CRCT1: variants seen among roughly 807,000 people sequenced by gnomAD.
CRCT1 encodes cysteine-rich C-terminal protein 1.
For synonymous variants in CRCT1, 86 were observed against 60.3 expected (o/e 1.43, Z -1.98); for missense variants, 160 against 136.3 (o/e 1.17, Z -0.87).
At chr1:152,514,662 G>C (rs6686666) in intron 1 of CRCT1, 110 bp downstream of exon 1, 2 of 152,190 alleles carry the variant, frequency 1.3e-5, no homozygotes, top group Non-Finnish European at 2.9e-5. Flanking sequence ...GTCCCGCAAG[G>C]CACCTACGCT....
chr1:152,514,670 G>C (rs1254769310), intron 1 of CRCT1, 118 bp downstream of exon 1: 2 of 152,214 alleles, frequency 1.3e-5, no homozygotes, highest in Non-Finnish European at 2.9e-5. Flanking sequence ...AGGCACCTAC[G>C]CTTCTAGTGA....
At position 152,515,808 on chromosome 1, in the gene CRCT1, T is replaced by C; in HGVS notation, c.*125T>C. ...CCCCGTAAAGCGAATTGCACTTTGA[T>C]GTTCAGAAACCCACTTTGTTCTCAG... On this transcript the variant is annotated 3_prime_UTR_variant, in exon 2 of 2. Transcript: ENST00000368790. 7.2e-7 allele frequency: 1 copy of C among 1,390,308 alleles called. No individual in the cohort carries two copies. 86.1% of individuals were successfully genotyped at this position (1,390,308 alleles called of 1,614,324 possible). A position where few individuals can be genotyped will look rare whatever the true frequency, so the allele number is the denominator to read the frequency against.
Position 152,515,826 on chromosome 1 carries a change from G to A in CRCT1, c.*143G>A. On this transcript the variant is annotated 3_prime_UTR_variant, in exon 2 of 2. Coordinates refer to ENST00000368790, the MANE Select transcript of CRCT1 (RefSeq NM_019060.3). ...ACTTTGATGTTCAGAAACCCACTTT[G>A]TTCTCAGCCACGCAAAACTCCCTGA... The A allele has an allele frequency of 7.4e-7, 1 of 1,343,402 alleles. No homozygotes were observed. The highest frequency in any genetic ancestry group is 9.8e-7 in the Non-Finnish European group (1 of 1,025,346). 83.2% of individuals were successfully genotyped at this position (1,343,402 alleles called of 1,614,324 possible). A position where few individuals can be genotyped will look rare whatever the true frequency, so the allele number is the denominator to read the frequency against.
chr1:152,515,837 C>A lies in CRCT1; in HGVS notation c.*154C>A. ...CAGAAACCCACTTTGTTCTCAGCCACGCAAAACTCCCTGACCCCGATGTGA... is the reference window on the plus strand; with the variant it reads ...CAGAAACCCACTTTGTTCTCAGCCAAGCAAAACTCCCTGACCCCGATGTGA... On this transcript the variant is annotated 3_prime_UTR_variant, in exon 2 of 2. Transcript: ENST00000368790. The A allele has an allele frequency of 8.0e-7, 1 of 1,257,320 alleles. No individual in the cohort carries two copies. Among genetic ancestry groups the A allele is most frequent in the Non-Finnish European group, 1.1e-6 (1 of 948,500 alleles). 77.9% of individuals were successfully genotyped at this position (1,257,320 alleles called of 1,614,324 possible).
At position 152,515,862 on chromosome 1, in the gene CRCT1, A is replaced by AT; in HGVS notation, c.*184dup. 1 of 1,087,768 alleles carries AT rather than the reference A, an allele frequency of 9.2e-7. No homozygotes were observed. Among genetic ancestry groups the AT allele is most frequent in the South Asian group, 2.1e-5 (1 of 47,650 alleles). The allele number at this position is 1,087,768 out of a possible 1,614,324, so 67.4% of individuals were successfully genotyped here. A position where few individuals can be genotyped will look rare whatever the true frequency, so the allele number is the denominator to read the frequency against. On this transcript the variant is annotated 3_prime_UTR_variant, in exon 2 of 2. Coordinates refer to ENST00000368790, the MANE Select transcript of CRCT1 (RefSeq NM_019060.3). ...CGCAAAACTCCCTGACCCCGATGTG[A>AT]TTTTTCTCCCCGGGGATTCGAGAGC... is the stretch of plus-strand genomic sequence containing the variant.
At position 152,515,475 on chromosome 1, in the gene CRCT1, C is replaced by G. The variant is rs747762170; in HGVS notation, c.92C>G (p.Pro31Arg). The G allele has an allele frequency of 2.5e-6, 4 of 1,600,780 alleles. No homozygotes were observed. The highest frequency in any genetic ancestry group is 2.0e-4 in the Middle Eastern group (1 of 4,914). The change falls in exon 2 of 2, where the codon CCG (proline) becomes CGG (arginine). Residue 31 changes from proline (P) to arginine (R), a missense_variant. By Grantham distance (103) the Pro-to-Arg change is moderately radical. Transcript: ENST00000368790. ...CCGTGTCCCGCCCCGGCGCCCACCC[C>G]GGCGCCCGCCTCCTCCTCCTCCTGC... ...PAPCPAPAPT[P>R]APASSSSCCG...
rs776351823 is a variant in CRCT1 at position 152,515,432 on chromosome 1, T to C, written c.49T>C (p.Ser17Pro). ...TTCCGCCAAAGGCTTTTCCAAGGGG[T>C]CGTCCCAGGGCCCCGCTCCGTGTCC... Reference protein sequence around the residue: ...AVSAKGFSKGSSQGPAPCPAP... With the variant: ...AVSAKGFSKGPSQGPAPCPAP... Residue 17 changes from serine (S) to proline (P), a missense_variant, in exon 2 of 2, where the codon TCG becomes CCG. Ser to Pro is a moderately conservative substitution (Grantham distance 74). Transcript: ENST00000368790. 1 of 1,584,186 alleles carries C rather than the reference T, an allele frequency of 6.3e-7. No individual in the cohort carries two copies. The highest frequency in any genetic ancestry group is 2.3e-5 in the East Asian group (1 of 44,274).
Position 152,515,504 on chromosome 1 carries a change from G to T in CRCT1, c.121G>T (p.Gly41Cys). The part of the protein sequence containing the change: ...PAPASSSSCC[G>C]SGRGCCGDSG... ...GCCCGCCTCCTCCTCCTCCTGCTGCGGCTCCGGCAGGGGCTGCTGCGGCGA... is the reference window on the plus strand; with the variant it reads ...GCCCGCCTCCTCCTCCTCCTGCTGCTGCTCCGGCAGGGGCTGCTGCGGCGA... Residue 41 changes from glycine to cysteine, a missense_variant, in exon 2 of 2, where the codon GGC (glycine) becomes TGC (cysteine). Physicochemically the swap from Gly to Cys is radical, Grantham distance 159. Coordinates refer to ENST00000368790, the MANE Select transcript of CRCT1 (RefSeq NM_019060.3). 1 of 1,596,588 alleles carries T rather than the reference G, an allele frequency of 6.3e-7. No homozygotes were observed. The highest frequency in any genetic ancestry group is 8.5e-7 in the Non-Finnish European group (1 of 1,176,994).
chr1:152,515,463 C>G lies in CRCT1; in HGVS notation c.80C>G (p.Pro27Arg), dbSNP rs1253653691. 7.5e-6 allele frequency: 12 copies of G among 1,602,376 alleles called. No homozygotes were observed. Among genetic ancestry groups the G allele is most frequent in the East Asian group, 2.2e-5 (1 of 44,666 alleles). ...SSQGPAPCPA[P>R]APTPAPASSS... ...CAGGGCCCCGCTCCGTGTCCCGCCC[C>G]GGCGCCCACCCCGGCGCCCGCCTCC... is the stretch of plus-strand genomic sequence containing the variant. Residue 27 changes from proline (P) to arginine (R), a missense_variant, in exon 2 of 2, where the codon CCG (proline) becomes CGG (arginine). Physicochemically the swap from Pro to Arg is moderately radical, Grantham distance 103. Transcript: ENST00000368790.
chr1:152,515,712 G>C lies in CRCT1; in HGVS notation c.*29G>C. 2 of 1,458,714 alleles carry C rather than the reference G, an allele frequency of 1.4e-6. No individual in the cohort carries two copies. The highest frequency in any genetic ancestry group is 1.8e-6 in the Non-Finnish European group (2 of 1,103,762). The allele number at this position is 1,458,714 out of a possible 1,614,324, so 90.4% of individuals were successfully genotyped here. A position where few individuals can be genotyped will look rare whatever the true frequency, so the allele number is the denominator to read the frequency against. On this transcript the variant is annotated 3_prime_UTR_variant, in exon 2 of 2. Transcript: ENST00000368790. ...GCCCGCAACCCCCAGCGCTGCGCTA[G>C]AGAAACCCGCCCAGCCCAGAGCGGG...
rs761444011 is a variant in CRCT1 at position 152,515,605 on chromosome 1, TTGC to T, written c.232_234del (p.Cys78del). 6 of 1,589,668 alleles carry T rather than the reference TTGC, an allele frequency of 3.8e-6. No individual in the cohort carries two copies. The highest frequency in any genetic ancestry group is 3.4e-6 in the Non-Finnish European group (4 of 1,172,512). On this transcript the variant is annotated inframe_deletion, in exon 2 of 2. Coordinates refer to ENST00000368790, the MANE Select transcript of CRCT1 (RefSeq NM_019060.3). ...GACGCCGCCGACAGCGGAGTAGTGGTTGCTGCTGCTGCGGGGGCGGCAGCCAGA... is the reference window on the plus strand; with the variant it reads ...GACGCCGCCGACAGCGGAGTAGTGGTTGCTGCTGCGGGGGCGGCAGCCAGA...
At position 152,515,509 on chromosome 1, in the gene CRCT1, C is replaced by T. The variant is rs775725001; in HGVS notation, c.126C>T (p.Ser42=). The T allele has an allele frequency of 2.7e-5, 43 of 1,598,430 alleles. No homozygotes were observed. The highest frequency in any genetic ancestry group is 3.3e-5 in the Non-Finnish European group (39 of 1,177,130). The change falls in exon 2 of 2, where the codon TCC becomes TCT. Residue 42 remains serine, a synonymous_variant. Transcript: ENST00000368790. The part of the protein sequence containing the change: ...APASSSSCCG[S]GRGCCGDSGC... ...CCTCCTCCTCCTCCTGCTGCGGCTCCGGCAGGGGCTGCTGCGGCGACTCAG... is the reference window on the plus strand; with the variant it reads ...CCTCCTCCTCCTCCTGCTGCGGCTCTGGCAGGGGCTGCTGCGGCGACTCAG...
intron 1 of CRCT1, 57 bp from the exon 2 acceptor site, chr1:152,515,305 G>A: frequency 7.2e-7 from 1 of 1,396,240 alleles, no homozygotes. Flanking sequence ...CCCAGACAGA[G>A]TTCCATTGGT....
At chr1:152,514,618 C>G (rs1395404278) in intron 1 of CRCT1, 66 bp downstream of exon 1, 1 of 152,242 alleles carries the variant, frequency 6.6e-6, no homozygotes, top group African/African-American at 2.4e-5. Flanking sequence ...GAGGAGCAAA[C>G]AGAACACAGG....
rs758059311 is a variant in CRCT1, at chr1:152,515,533, A to C, written c.150A>C (p.Ser50=). 2 of 1,595,636 alleles carry C rather than the reference A, an allele frequency of 1.3e-6. No individual in the cohort carries two copies. The highest frequency in any genetic ancestry group is 8.5e-7 in the Non-Finnish European group (1 of 1,176,552). ...CCGGCAGGGGCTGCTGCGGCGACTC[A>C]GGCTGCTGCGGCTCCAGCTCCACCA... ...CGSGRGCCGD[S]GCCGSSSTSC... Residue 50 remains serine, a synonymous_variant, in exon 2 of 2, where the codon TCA becomes TCC. Transcript: ENST00000368790.
rs1658738548 is a variant in CRCT1 at position 152,515,762 on chromosome 1, G to C, written c.*79G>C. The C allele has an allele frequency of 7.1e-6, 10 of 1,415,182 alleles. No individual in the cohort carries two copies. The highest frequency in any genetic ancestry group is 8.3e-6 in the Non-Finnish European group (9 of 1,085,356). The allele number at this position is 1,415,182 out of a possible 1,614,324, so 87.7% of individuals were successfully genotyped here. On this transcript the variant is annotated 3_prime_UTR_variant, in exon 2 of 2. Transcript: ENST00000368790. ...GCCCGCCCCGCTGCGGCTCCCACGC[G>C]GGGCTGGGCCTCGGAGTTTGCCCCG... is the stretch of plus-strand genomic sequence containing the variant.
chr1:152,515,235 G>A (rs1351597370), intron 1 of CRCT1, 127 bp from the exon 2 acceptor site: 13 of 708,412 alleles, frequency 1.8e-5, no homozygotes, highest in Non-Finnish European at 2.6e-5. Flanking sequence ...CTCTTTCTGG[G>A]TGCTTTTCCC....
In CRCT1 at chr1:152,515,787, G is replaced by A. The variant is rs1345469626; in HGVS notation, c.*104G>A. On this transcript the variant is annotated 3_prime_UTR_variant, in exon 2 of 2. Transcript: ENST00000368790. The stretch of plus-strand genomic sequence containing the variant: ...GGGGCTGGGCCTCGGAGTTTGCCCC[G>A]TAAAGCGAATTGCACTTTGATGTTC... The A allele has an allele frequency of 5.0e-6, 7 of 1,413,468 alleles. No individual in the cohort carries two copies. Among genetic ancestry groups the A allele is most frequent in the South Asian group, 1.6e-5 (1 of 62,186 alleles). The allele number at this position is 1,413,468 out of a possible 1,614,324, so 87.6% of individuals were successfully genotyped here. A position where few individuals can be genotyped will look rare whatever the true frequency, so the allele number is the denominator to read the frequency against.
chr1:152,515,411 G>A lies in CRCT1; in HGVS notation c.28G>A (p.Ala10Thr), dbSNP rs771516950. The change falls in exon 2 of 2, where the codon GCC (alanine) becomes ACC (threonine). Residue 10 changes from alanine to threonine, a missense_variant. Coordinates refer to ENST00000368790, the MANE Select transcript of CRCT1 (RefSeq NM_019060.3). Reference protein sequence around the residue: MSSQQSAVSAKGFSKGSSQG... With the variant: MSSQQSAVSTKGFSKGSSQG... ...GTCCTCTCAACAGAGCGCCGTTTCCGCCAAAGGCTTTTCCAAGGGGTCGTC... is the reference window on the plus strand; with the variant it reads ...GTCCTCTCAACAGAGCGCCGTTTCCACCAAAGGCTTTTCCAAGGGGTCGTC... The A allele has an allele frequency of 8.3e-6, 13 of 1,565,836 alleles. No homozygotes were observed. The highest frequency in any genetic ancestry group is 1.0e-5 in the Non-Finnish European group (12 of 1,159,972).
Sources: gnomAD v4.1 joint callset for allele counts on GRCh38, gnomAD v4.1.1 for gene constraint, MANE v1.5 for transcripts, NCBI Gene and HGNC (gene_info 2026-07-23, HGNC 2026-07-21) for gene names.